The following SPECC1 variants were observed in gnomAD, a reference collection of about 807,000 sequenced individuals.
SPECC1 encodes cytospin-B.
In SPECC1, 62 loss-of-function variants were observed where a neutral mutation model predicts 104.1. The ratio of observed to expected loss-of-function variants is 0.60; its 90% CI spans 0.49 to 0.74. SPECC1 has a LOEUF of 0.74. Ranked by LOEUF, SPECC1 falls within the 30% of genes least tolerant of loss-of-function variation. SPECC1 has a pLI of 0.00. For missense variants in SPECC1, 1,306 were observed against 1,310.5 expected, an observed-to-expected ratio of 1.00 and a Z score of 0.05; for synonymous variants, 513 against 501.6, an observed-to-expected ratio of 1.02 and a Z score of -0.30.
rs561577637 is a variant in SPECC1 at position 20,283,452 on chromosome 17, A to G, written c.2941-13509A>G. Reference sequence around the variant, plus strand: ...GAATTAAATGTCTTTAATTTTTGCCAGTTTGATGAGTGAAAATGATATTTT... The same window carrying G: ...GAATTAAATGTCTTTAATTTTTGCCGGTTTGATGAGTGAAAATGATATTTT... On this transcript the variant is annotated intron_variant, in intron 12 of 14. Coordinates refer to ENST00000395527, the MANE Select transcript of SPECC1 (RefSeq NM_001243439.2). 2.0e-3 allele frequency among the ~76,000 whole-genome samples: 300 copies of G among 152,280 alleles called. 1 individual carries two copies. The highest frequency in any genetic ancestry group is 3.7e-3 in the Non-Finnish European group (253 of 68,016).
chr17:20,240,875 T>C (rs2039170809), intron 7 of SPECC1, among the ~76,000 whole-genome samples: 1 of 152,256 alleles, frequency 6.6e-6, no homozygotes, highest in Non-Finnish European at 1.5e-5. Flanking sequence ...CTGTTTCCAG[T>C]CATGAATTTA....
chr17:20,275,995 T>G (rs1238749176), intron 12 of SPECC1, among the ~76,000 whole-genome samples: 3 of 152,250 alleles, frequency 2.0e-5, no homozygotes, highest in Non-Finnish European at 4.4e-5. Context: ...CAGTTAATCC[T>G]TTTGATCTAG....
intron 12 of SPECC1, among the ~76,000 whole-genome samples, chr17:20,283,640 G>A (rs2040849494): frequency 6.6e-6 from 1 of 152,100 alleles, no homozygotes; most frequent in African/African-American, 2.4e-5. Context: ...TGGCTGGAGT[G>A]TAGTGGCACG....
chr17:20,183,639 A>G (rs1341568414), intron 3 of SPECC1, among the ~76,000 whole-genome samples: 1 of 152,204 alleles, frequency 6.6e-6, no homozygotes, highest in African/African-American at 2.4e-5. Flanking sequence ...ATTCTCCCAT[A>G]TAGTTTAAAT....
At chr17:20,210,040 G>A (rs1267236931) in intron 4 of SPECC1, among the ~76,000 whole-genome samples, 1 of 152,156 alleles carries the variant, frequency 6.6e-6, no homozygotes, top group Non-Finnish European at 1.5e-5. Flanking sequence ...AGTCAGCAGA[G>A]GTGAAATGAC....
intron 1 of SPECC1, among the ~76,000 whole-genome samples, chr17:20,064,345 G>T (rs980912271): frequency 6.6e-6 from 1 of 152,214 alleles, no homozygotes; most frequent in East Asian, 1.9e-4. Flanking sequence ...TCATTCTTCA[G>T]ACTCTCTGGG....
intron 14 of SPECC1, among the ~76,000 whole-genome samples, chr17:20,313,363 T>G (rs1442436755): frequency 1.3e-5 from 2 of 152,216 alleles, no homozygotes; most frequent in Non-Finnish European, 2.9e-5. Context: ...CACTCAGTAA[T>G]TTATCTTGAG....
intron 4 of SPECC1, among the ~76,000 whole-genome samples, chr17:20,209,613 G>C (rs1016289720): frequency 2.0e-5 from 3 of 151,442 alleles, no homozygotes; most frequent in Non-Finnish European, 4.4e-5. Context: ...CAACTTCTCT[G>C]ATATACCCCA....
At chr17:20,080,481 G>C (rs1165956617) in intron 1 of SPECC1, among the ~76,000 whole-genome samples, 1 of 152,170 alleles carries the variant, frequency 6.6e-6, no homozygotes, top group Non-Finnish European at 1.5e-5. Flanking sequence ...GGTTGCTACA[G>C]TAACGGGCCT....
chr17:20,077,392 T>G (rs1175312647), intron 1 of SPECC1, among the ~76,000 whole-genome samples: 1 of 152,200 alleles, frequency 6.6e-6, no homozygotes, highest in Non-Finnish European at 1.5e-5. Context: ...GATTATTTGA[T>G]TATTTATAGG....
At chr17:20,156,183 C>A in intron 3 of SPECC1, 1 of 1,445,642 alleles carries the variant, frequency 6.9e-7, no homozygotes, top group East Asian at 3.0e-5. Flanking sequence ...GGCTGGTGCC[C>A]GAGTCGGCCA....
chr17:20,012,107 A>T, intron 1 of SPECC1, among the ~76,000 whole-genome samples: 1 of 152,122 alleles, frequency 6.6e-6, no homozygotes, highest in East Asian at 1.9e-4. Context: ...TATTTTTAAA[A>T]AGATGTTTTG....
At chr17:20,056,867 G>A (rs1416567212) in intron 1 of SPECC1, among the ~76,000 whole-genome samples, 1 of 152,114 alleles carries the variant, frequency 6.6e-6, no homozygotes, top group African/African-American at 2.4e-5. Flanking sequence ...TATATTTATA[G>A]GAGAGATCTT....
At chr17:20,104,758 A>AAAG (rs1555607672) in intron 2 of SPECC1, among the ~76,000 whole-genome samples, 1 of 150,166 alleles carries the variant, frequency 6.7e-6, no homozygotes, top group African/African-American at 2.5e-5. Flanking sequence ...AAAAAAAAAA[A>AAAG]AAAAAAAAGA....
intron 12 of SPECC1, among the ~76,000 whole-genome samples, chr17:20,279,379 A>G (rs975089388): frequency 4.9e-5 from 7 of 143,332 alleles, no homozygotes; most frequent in African/African-American, 7.9e-5. Flanking sequence ...CTGGAGTGCA[A>G]TGGTGCGATC....
At chr17:20,012,569 G>A (rs1273436270) in intron 1 of SPECC1, among the ~76,000 whole-genome samples, 1 of 150,058 alleles carries the variant, frequency 6.7e-6, no homozygotes. Flanking sequence ...CTTTTTGTTA[G>A]CATTTATATG....
At chr17:20,178,994 G>C (rs1195629751) in intron 3 of SPECC1, among the ~76,000 whole-genome samples, 1 of 152,234 alleles carries the variant, frequency 6.6e-6, no homozygotes, top group Non-Finnish European at 1.5e-5. Flanking sequence ...AAAGAAGCTA[G>C]AATAGAGTCT....
intron 1 of SPECC1, among the ~76,000 whole-genome samples, chr17:20,050,947 G>A (rs2152460719): frequency 6.6e-6 from 1 of 152,278 alleles, no homozygotes; most frequent in Non-Finnish European, 1.5e-5. Flanking sequence ...AGTTATAGAA[G>A]CATATATTTG....
intron 1 of SPECC1, among the ~76,000 whole-genome samples, chr17:20,094,892 G>A (rs528471562): frequency 7.9e-5 from 12 of 152,310 alleles, no homozygotes; most frequent in African/African-American, 2.4e-4. Flanking sequence ...GAGCCACTGT[G>A]CCTGGACTGT....
Sources: gnomAD v4.1 joint callset for allele counts (sites outside exome capture counted in the v4.1 genomes callset) on GRCh38, gnomAD v4.1.1 for gene constraint, MANE v1.5 for transcripts, NCBI Gene and HGNC (gene_info 2026-07-23, HGNC 2026-07-21) for gene names.